Variants in HMGXB4 observed in about 807,000 individuals in gnomAD.
HMGXB4 encodes the protein HMG domain-containing protein 4.
A neutral mutation model predicts 63.9 loss-of-function variants in HMGXB4; 27 were observed. The ratio of observed to expected loss-of-function variants is 0.42; its 90% CI spans 0.31 to 0.58. HMGXB4 has a LOEUF of 0.58. Ranked by LOEUF, HMGXB4 falls within the 20% of genes least tolerant of loss-of-function variation. HMGXB4 has a pLI of 0.13. For synonymous variants in HMGXB4, 264 were observed against 265.3 expected (o/e 0.99, Z 0.05); for missense variants, 624 against 700.7 (o/e 0.89, Z 1.24).
chr22:35,253,600 T>A (rs1009162469), upstream of HMGXB4, among the ~76,000 whole-genome samples: 10 of 151,154 alleles, frequency 6.6e-5, no homozygotes, highest in Non-Finnish European at 1.3e-4. Flanking sequence ...TTGGATTTTG[T>A]GCGCGCGCGC....
the HMGXB4 span, among the ~76,000 whole-genome samples, chr22:35,244,738 TA>T: frequency 1.3e-5 from 2 of 152,072 alleles, no homozygotes; most frequent in Admixed American, 1.3e-4. Flanking sequence ...TCAGGACAAA[TA>T]CAAAATATGA....
chr22:35,261,429 C>CTT (rs1242265011), intron 1 of HMGXB4, among the ~76,000 whole-genome samples: 4 of 122,876 alleles, frequency 3.3e-5, no homozygotes, highest in African/African-American at 1.1e-4. Flanking sequence ...GAGCAAGACT[C>CTT]TATCTCAAAA....
At position 35,294,824 on chromosome 22, in the gene HMGXB4, T is replaced by C. The variant is rs886287044; in HGVS notation, c.*1173T>C. The C allele has an allele frequency of 1.3e-5, 2 of 152,162 alleles. No homozygotes were observed. The highest frequency in any genetic ancestry group is 4.8e-5 in the African/African-American group (2 of 41,438). 9.4% of individuals were successfully genotyped at this position (152,162 alleles called of 1,614,324 possible). A position where few individuals can be genotyped will look rare whatever the true frequency, so the allele number is the denominator to read the frequency against. ...TTCTTTCCTTCCTTCCTTCCCTGTT[T>C]CCTTCCCTCTTTCCTTCCTTCCTCC... On this transcript the variant is annotated 3_prime_UTR_variant, in exon 11 of 11. Coordinates refer to ENST00000216106, the MANE Select transcript of HMGXB4 (RefSeq NM_001003681.3).
chr22:35,288,914 G>T (rs1433345339), intron 9 of HMGXB4, among the ~76,000 whole-genome samples: 1 of 152,190 alleles, frequency 6.6e-6, no homozygotes, highest in Non-Finnish European at 1.5e-5. Flanking sequence ...GGCTGAGGCA[G>T]GCGGATCACG....
intron 8 of HMGXB4, 141 bp downstream of exon 8, chr22:35,287,593 C>T (rs1262321240): frequency 1.6e-6 from 1 of 644,018 alleles, no homozygotes; most frequent in Non-Finnish European, 2.8e-6. Flanking sequence ...TACAAGCTAC[C>T]AAAAAGAGAT....
intron 5 of HMGXB4, 55 bp downstream of exon 5, chr22:35,265,658 G>C: frequency 6.8e-7 from 1 of 1,460,060 alleles, no homozygotes; most frequent in Non-Finnish European, 9.0e-7. Context: ...TTCTTCCTGG[G>C]TAGTCAGTGG....
upstream of HMGXB4, among the ~76,000 whole-genome samples, chr22:35,256,800 G>T (rs563412319): frequency 6.6e-6 from 1 of 152,244 alleles, no homozygotes; most frequent in South Asian, 2.1e-4. Flanking sequence ...CGCCCCTGGC[G>T]TTCTTCTTCA....
At chr22:35,266,591 T>C (rs973133456) in intron 5 of HMGXB4, among the ~76,000 whole-genome samples, 5 of 152,366 alleles carry the variant, frequency 3.3e-5, no homozygotes, top group Middle Eastern at 3.4e-3. Context: ...CTCATAACTA[T>C]GTCATTAAAA....
the HMGXB4 span, among the ~76,000 whole-genome samples, chr22:35,245,111 A>G: frequency 2.0e-5 from 3 of 152,050 alleles, no homozygotes; most frequent in Non-Finnish European, 4.4e-5. Context: ...TGACCTCGTG[A>G]TCCACCCACC....
intron 5 of HMGXB4, among the ~76,000 whole-genome samples, chr22:35,271,371 C>CT (rs1923592383): frequency 6.6e-6 from 1 of 152,206 alleles, no homozygotes; most frequent in South Asian, 2.1e-4. Flanking sequence ...TGCACCCCTT[C>CT]TACCTTAGAT....
chr22:35,247,573 C>T, the HMGXB4 span, among the ~76,000 whole-genome samples: 1 of 152,108 alleles, frequency 6.6e-6, no homozygotes, highest in Non-Finnish European at 1.5e-5. Flanking sequence ...TCCATCTCCT[C>T]AACTCAGAGA....
intron 8 of HMGXB4, among the ~76,000 whole-genome samples, chr22:35,287,738 C>T (rs774236172): frequency 8.6e-5 from 13 of 151,928 alleles, no homozygotes; most frequent in Admixed American, 4.6e-4. Context: ...CACCTGAGGT[C>T]AGGAGTTCGA....
At chr22:35,279,445 T>C (rs1240770408) in intron 5 of HMGXB4, among the ~76,000 whole-genome samples, 4 of 152,264 alleles carry the variant, frequency 2.6e-5, no homozygotes, top group African/African-American at 9.6e-5. Flanking sequence ...GGTGTCTTTT[T>C]ATTTTTTTAA....
At chr22:35,269,966 A>G (rs967429912) in intron 5 of HMGXB4, among the ~76,000 whole-genome samples, 1 of 152,186 alleles carries the variant, frequency 6.6e-6, no homozygotes, top group African/African-American at 2.4e-5. Context: ...TGACAGAGCA[A>G]GACCCTGTCT....
At position 35,264,746 on chromosome 22, in the gene HMGXB4, C is replaced by G; in HGVS notation, c.358C>G (p.Leu120Val). ...CCTGTTGAAAGCTATCACTTCCCCA[C>G]TGGCAGCAGGCTCCAAGCCCTCCAA... ...MDLLKAITSP[L>V]AAGSKPSKKT... The change falls in exon 5 of 11, where the codon CTG becomes GTG. Residue 120 changes from leucine to valine, a missense_variant. Physicochemically the swap from Leu to Val is conservative, Grantham distance 32. Transcript: ENST00000216106. 1.2e-6 allele frequency: 2 copies of G among 1,614,192 alleles called. No homozygotes were observed. Among genetic ancestry groups the G allele is most frequent in the Non-Finnish European group, 8.5e-7 (1 of 1,180,016 alleles).
rs538122173 is a variant in HMGXB4 at position 35,279,752 on chromosome 22, TCTTCATTGTATTGTC to T, written c.1216-4206_1216-4192del. Among the ~76,000 whole-genome samples the T allele has an allele frequency of 1.2e-3, 176 of 151,700 alleles. 1 individual carries two copies. The highest frequency in any genetic ancestry group is 4.1e-3 in the African/African-American group (171 of 41,334). On this transcript the variant is annotated intron_variant, in intron 5 of 10. Transcript: ENST00000216106. The stretch of plus-strand genomic sequence containing the variant: ...ATCATTTGTTGAAAATACTATCTTT[TCTTCATTGTATTGTC>T]CTTGCTCCTTTGTCAAAGATTCGTT...
chr22:35,288,806 G>A (rs1924749631), intron 9 of HMGXB4, among the ~76,000 whole-genome samples: 1 of 152,148 alleles, frequency 6.6e-6, no homozygotes, highest in South Asian at 2.1e-4. Flanking sequence ...AACACAGTGA[G>A]ACTCCATCTC....
In HMGXB4 at chr22:35,293,102, C is replaced by G; in HGVS notation, c.1749C>G (p.Pro583=). The stretch of plus-strand genomic sequence containing the variant: ...AACTACCTGAATTGAATGGCTGTCC[C>G]AAACAGGTCTTGGTGAGTTTTCCCT... ...TTQLPELNGC[P]KQVLSNTLDN... Residue 583 remains proline, a synonymous_variant, in exon 10 of 11, where the codon CCC becomes CCG. Coordinates refer to ENST00000216106, the MANE Select transcript of HMGXB4 (RefSeq NM_001003681.3). 1.2e-6 allele frequency: 2 copies of G among 1,614,214 alleles called. No homozygotes were observed. The highest frequency in any genetic ancestry group is 1.7e-6 in the Non-Finnish European group (2 of 1,180,036).
At chr22:35,241,758 GCACT>G in the HMGXB4 span, among the ~76,000 whole-genome samples, 1 of 152,208 alleles carries the variant, frequency 6.6e-6, no homozygotes, top group African/African-American at 2.4e-5. Context: ...TGCAGTTGGG[GCACT>G]CACAGTATTT....
Sources: allele counts gnomAD v4.1 joint callset (sites outside exome capture counted in the v4.1 genomes callset), GRCh38; gene constraint gnomAD v4.1.1; transcripts MANE v1.5; gene names NCBI Gene and HGNC (gene_info 2026-07-23, HGNC 2026-07-21).